Variants in FGF14 observed in about 807,000 individuals in gnomAD.
The protein encoded by FGF14 is fibroblast growth factor 14, also known as fibroblast growth factor homologous factor 4.
FGF14 carries 5 observed loss-of-function variants against 25.5 expected under a neutral mutation model. The observed-to-expected ratio is 0.20, with a 90% CI of 0.10 to 0.41. The LOEUF is 0.41. Ranked by LOEUF, FGF14 falls within the 10% of genes least tolerant of loss-of-function variation. The pLI is 1.00. For missense variants in FGF14, 222 were observed against 320.1 expected, an observed-to-expected ratio of 0.69 and a Z score of 2.34; for synonymous variants, 138 against 118.3, an observed-to-expected ratio of 1.17 and a Z score of -1.08.
chr13:102,128,700 T>C (rs1445084107), intron 1 of FGF14, among the ~76,000 whole-genome samples: 2 of 152,204 alleles, frequency 1.3e-5, no homozygotes, highest in Non-Finnish European at 2.9e-5. Context: ...AAGTGCTGTC[T>C]TCTGAAGAGA....
intron 1 of FGF14, among the ~76,000 whole-genome samples, chr13:102,399,219 A>C (rs12877854): frequency 0.011 from 1,690 of 152,250 alleles, 14 homozygotes; most frequent in Non-Finnish European, 0.018. Context: ...TTTCCGGTAA[A>C]ATTGTTTACA....
rs1483481688 is a variant in FGF14, at chr13:102,140,056, C to A, written c.208+261415G>T. 4.3e-5 allele frequency among the ~76,000 whole-genome samples: 6 copies of A among 140,454 alleles called. No homozygotes were observed. In the East Asian group the frequency reaches 8.7e-4, roughly 20 times the overall value. The allele number at this position is 140,454 out of a possible 152,430, so 92.1% of individuals were successfully genotyped here. On this transcript the variant is annotated intron_variant, in intron 1 of 4. Transcript: ENST00000376131. ...AAACTCTTCAAGACCCCCCCCCCCCCTTACAGCAGTAAGTCATCCGTGTTT... is the reference window on the plus strand; with the variant it reads ...AAACTCTTCAAGACCCCCCCCCCCCATTACAGCAGTAAGTCATCCGTGTTT...
chr13:101,811,637 G>C (rs868092556), intron 3 of FGF14, among the ~76,000 whole-genome samples: 52 of 152,340 alleles, frequency 3.4e-4, no homozygotes, highest in African/African-American at 1.2e-3. Flanking sequence ...CAAGGGACAT[G>C]ATTGCTGGAT....
At chr13:101,956,361 C>T (rs377462528) in intron 1 of FGF14, among the ~76,000 whole-genome samples, 2 of 152,182 alleles carry the variant, frequency 1.3e-5, no homozygotes, top group Non-Finnish European at 2.9e-5. Flanking sequence ...TTAGATTACA[C>T]TATCGTATTA....
At chr13:102,152,378 AGG>A (rs1451710905) in intron 1 of FGF14, among the ~76,000 whole-genome samples, 27 of 152,156 alleles carry the variant, frequency 1.8e-4, no homozygotes, top group African/African-American at 6.3e-4. Flanking sequence ...ATCAAGGTTG[AGG>A]TCTTCTGAAG....
At chr13:101,791,966 G>T (rs2040260842) in intron 3 of FGF14, among the ~76,000 whole-genome samples, 1 of 152,120 alleles carries the variant, frequency 6.6e-6, no homozygotes, top group African/African-American at 2.4e-5. Context: ...ATGATGCAAT[G>T]AAATGTACTA....
intron 1 of FGF14, among the ~76,000 whole-genome samples, chr13:101,994,120 TAATCTC>T (rs967331090): frequency 2.6e-4 from 40 of 152,108 alleles, no homozygotes; most frequent in African/African-American, 9.1e-4. Context: ...GTCTGAAACT[TAATCTC>T]AAATGATTTA....
chr13:102,081,471 G>A (rs180902539), intron 1 of FGF14, among the ~76,000 whole-genome samples: 32 of 152,056 alleles, frequency 2.1e-4, no homozygotes, highest in Admixed American at 1.2e-3. Flanking sequence ...TTTTGCTCAC[G>A]GCCACTGAAC....
intron 1 of FGF14, among the ~76,000 whole-genome samples, chr13:101,913,657 A>G (rs1467803955): frequency 6.6e-6 from 1 of 151,954 alleles, no homozygotes; most frequent in Non-Finnish European, 1.5e-5. Context: ...CAATGGGACA[A>G]TATTTTTTCC....
chr13:102,018,217 G>A lies in FGF14; in HGVS notation c.209-142921C>T, dbSNP rs1470148320. ...GGCCAAACATAAAGTTAGACAGGGT[G>A]TGCCAGTTCCTTGACTTGTGGGCAC... is the stretch of plus-strand genomic sequence containing the variant. On this transcript the variant is annotated intron_variant, in intron 1 of 4. Transcript: ENST00000376131. 2.6e-5 allele frequency among the ~76,000 whole-genome samples: 4 copies of A among 152,148 alleles called. No individual in the cohort carries two copies. In the East Asian group the frequency reaches 5.8e-4, roughly 22 times the overall value.
At chr13:101,810,805 C>G (rs1192654438) in intron 3 of FGF14, among the ~76,000 whole-genome samples, 1 of 152,056 alleles carries the variant, frequency 6.6e-6, no homozygotes, top group Non-Finnish European at 1.5e-5. Context: ...TTCTGACTGT[C>G]TTGGATTTTC....
At chr13:102,372,918 T>C (rs2057930737) in intron 1 of FGF14, among the ~76,000 whole-genome samples, 1 of 152,136 alleles carries the variant, frequency 6.6e-6, no homozygotes, top group Non-Finnish European at 1.5e-5. Flanking sequence ...TTCTTTCTAC[T>C]GTAAAAATAG....
At chr13:101,840,697 T>C (rs987829342) in intron 3 of FGF14, among the ~76,000 whole-genome samples, 4 of 151,994 alleles carry the variant, frequency 2.6e-5, no homozygotes, top group Admixed American at 2.6e-4. Context: ...ATCAACCAAA[T>C]TGTTGCAACA....
At chr13:102,222,689 A>G (rs1413937413) in intron 1 of FGF14, among the ~76,000 whole-genome samples, 1 of 152,186 alleles carries the variant, frequency 6.6e-6, no homozygotes, top group Admixed American at 6.5e-5. Context: ...CAGGTCAGCA[A>G]TCCTGTCTCA....
intron 1 of FGF14, among the ~76,000 whole-genome samples, chr13:101,922,299 T>C (rs2034058946): frequency 6.6e-6 from 1 of 152,178 alleles, no homozygotes; most frequent in African/African-American, 2.4e-5. Context: ...ACTTCATAAA[T>C]AGGATACACC....
At chr13:102,167,849 G>T (rs975729808) in intron 1 of FGF14, among the ~76,000 whole-genome samples, 1 of 151,222 alleles carries the variant, frequency 6.6e-6, no homozygotes, top group African/African-American at 2.4e-5. Flanking sequence ...TATTTAAGGG[G>T]GAGTCAATTC....
At chr13:102,026,614 G>C (rs1039628724) in intron 1 of FGF14, among the ~76,000 whole-genome samples, 3 of 151,892 alleles carry the variant, frequency 2.0e-5, no homozygotes, top group African/African-American at 7.2e-5. Context: ...TCTATATTCT[G>C]TACATAAGTT....
Position 101,787,075 on chromosome 13 carries a change from G to C in FGF14, c.409-60265C>G, listed in dbSNP as rs572945630. Among the ~76,000 whole-genome samples the C allele has an allele frequency of 3.2e-4, 48 of 152,064 alleles. 2 individuals carry two copies. In the South Asian group the frequency reaches 1.0e-2, roughly 32 times the overall value. ...AAATGCAGAATCCAAGGCTAATTCT[G>C]CTCTTTATTTCCAGGTGCTCATTCA... On this transcript the variant is annotated intron_variant, in intron 3 of 4. Coordinates refer to ENST00000376143, the MANE Select transcript of FGF14 (RefSeq NM_004115.4).
chr13:101,953,637 C>T (rs948009046), intron 1 of FGF14, among the ~76,000 whole-genome samples: 1 of 150,248 alleles, frequency 6.7e-6, no homozygotes, highest in African/African-American at 2.5e-5. Context: ...GTTGCCCAGG[C>T]TGGAGTACAA....
Sources: allele counts gnomAD v4.1 joint callset (sites outside exome capture counted in the v4.1 genomes callset), GRCh38; gene constraint gnomAD v4.1.1; transcripts MANE v1.5; gene names NCBI Gene and HGNC (gene_info 2026-07-23, HGNC 2026-07-21).